Variants in CERKL observed in about 807,000 individuals in gnomAD.
The protein encoded by CERKL is ceramide kinase-like protein.
Under a neutral mutation model 63.4 loss-of-function variants are expected in CERKL, and 61 were observed. That is an observed-to-expected ratio of 0.96 (90% CI 0.78 to 1.19). The LOEUF (loss-of-function observed/expected upper bound fraction) is 1.19, where lower values mean the gene tolerates loss of function less well. Among genes scored for constraint, CERKL ranks in the 50% most tolerant of loss-of-function variants. The pLI is 0.00. For synonymous variants in CERKL, 250 were observed against 230.5 expected (o/e 1.08, Z -0.77); for missense variants, 675 against 655.5 (o/e 1.03, Z -0.33).
rs1273593366 is a variant in CERKL, at chr2:181,573,970, G to A, written c.482-86C>T. 3 of 1,243,974 alleles carry A rather than the reference G, an allele frequency of 2.4e-6. No individual in the cohort carries two copies. In the East Asian group the frequency reaches 7.0e-5, roughly 29 times the overall value. The allele number at this position is 1,243,974 out of a possible 1,614,324, so 77.1% of individuals were successfully genotyped here. A position where few individuals can be genotyped will look rare whatever the true frequency, so the allele number is the denominator to read the frequency against. On this transcript the variant is annotated intron_variant, in intron 2 of 12. Coordinates refer to ENST00000410087, the MANE Select transcript of CERKL (RefSeq NM_201548.5). ...TTTAAAATGACACACAAGTCTGTTA[G>A]AATGTTATATGCATTTAAATAGTAT... is the stretch of plus-strand genomic sequence containing the variant.
chr2:181,546,697 T>C (rs1687739780), intron 10 of CERKL, among the ~76,000 whole-genome samples: 1 of 152,222 alleles, frequency 6.6e-6, no homozygotes, highest in Non-Finnish European at 1.5e-5. Flanking sequence ...AGCCCCATAA[T>C]GGACAGCTGA....
At chr2:181,595,197 T>A (rs546284440) in intron 2 of CERKL, among the ~76,000 whole-genome samples, 1 of 147,946 alleles carries the variant, frequency 6.8e-6, no homozygotes, top group African/African-American at 2.7e-5. Context: ...CAAATCAGTG[T>A]GTTTATATGT....
chr2:181,655,428 G>A (rs1233516556), intron 1 of CERKL, among the ~76,000 whole-genome samples: 2 of 152,170 alleles, frequency 1.3e-5, no homozygotes, highest in Non-Finnish European at 2.9e-5. Context: ...CTTCTATATT[G>A]CATAACTCGA....
chr2:181,583,144 C>T (rs1384897147), intron 2 of CERKL, among the ~76,000 whole-genome samples: 1 of 149,292 alleles, frequency 6.7e-6, no homozygotes, highest in Non-Finnish European at 1.5e-5. Context: ...AAAATAAAAA[C>T]AAGGCCATTC....
At chr2:181,641,351 ATATACACATATT>A (rs1687431888) in intron 1 of CERKL, among the ~76,000 whole-genome samples, 4 of 13,320 alleles carry the variant, frequency 3.0e-4, no homozygotes, top group Non-Finnish European at 4.9e-4. Flanking sequence ...ATATACATAT[ATATACACATATT>A]TTTTTCCCTG....
At chr2:181,564,608 A>T (rs1350551525) in intron 4 of CERKL, among the ~76,000 whole-genome samples, 2 of 152,178 alleles carry the variant, frequency 1.3e-5, no homozygotes, top group African/African-American at 4.8e-5. Flanking sequence ...TTTACCCAGT[A>T]CAAATACCAG....
rs532518412 is a variant in CERKL at position 181,537,449 on chromosome 2, T to G, written c.*735A>C. ...TACTTTGTTACTTGTATCATGAATTTTAAAACCCTACCACTTTAAGAAGAC... is the reference window on the plus strand; with the variant it reads ...TACTTTGTTACTTGTATCATGAATTGTAAAACCCTACCACTTTAAGAAGAC... On this transcript the variant is annotated 3_prime_UTR_variant, in exon 13 of 13. Transcript: ENST00000410087. The G allele has an allele frequency of 1.8e-5, 8 of 448,454 alleles. No homozygotes were observed. Among genetic ancestry groups the G allele is most frequent in the African/African-American group, 1.6e-4 (8 of 49,906 alleles). The allele number at this position is 448,454 out of a possible 1,614,324, so 27.8% of individuals were successfully genotyped here. A position where few individuals can be genotyped will look rare whatever the true frequency, so the allele number is the denominator to read the frequency against.
At chr2:181,565,897 T>C (rs1208524369) in intron 4 of CERKL, among the ~76,000 whole-genome samples, 161 bp downstream of exon 4, 1 of 152,172 alleles carries the variant, frequency 6.6e-6, no homozygotes, top group Non-Finnish European at 1.5e-5. Flanking sequence ...GACCATGTCA[T>C]ATTATCATTA....
At chr2:181,577,436 A>T (rs1208318008) in intron 2 of CERKL, among the ~76,000 whole-genome samples, 1 of 152,246 alleles carries the variant, frequency 6.6e-6, no homozygotes, top group South Asian at 2.1e-4. Flanking sequence ...GATATTGACA[A>T]TATCTCCAGG....
intron 1 of CERKL, among the ~76,000 whole-genome samples, chr2:181,613,374 G>C (rs1686057303): frequency 6.6e-6 from 1 of 152,144 alleles, no homozygotes; most frequent in African/African-American, 2.4e-5. Flanking sequence ...CAGAAACTGG[G>C]GCTGCCTTCA....
chr2:181,627,744 C>T (rs752782161), intron 1 of CERKL, among the ~76,000 whole-genome samples: 3 of 152,272 alleles, frequency 2.0e-5, no homozygotes, highest in African/African-American at 4.8e-5. Flanking sequence ...AAGAGGAAAA[C>T]ATTCCCACAC....
At chr2:181,634,351 T>C (rs1204309964) in intron 1 of CERKL, among the ~76,000 whole-genome samples, 1 of 152,074 alleles carries the variant, frequency 6.6e-6, no homozygotes, top group African/African-American at 2.4e-5. Flanking sequence ...ATGGAATCAG[T>C]TGGTGTCTAA....
chr2:181,577,327 G>A (rs1255930530), intron 2 of CERKL, among the ~76,000 whole-genome samples: 1 of 152,202 alleles, frequency 6.6e-6, no homozygotes, highest in Non-Finnish European at 1.5e-5. Context: ...GTGCCAGCTA[G>A]AGGTATCTAA....
At position 181,538,114 on chromosome 2, in the gene CERKL, TTTAAAGCATGGCCAC is replaced by T. The variant is rs1687273843; in HGVS notation, c.*55_*69del. On this transcript the variant is annotated 3_prime_UTR_variant, in exon 13 of 13. Coordinates refer to ENST00000410087, the MANE Select transcript of CERKL (RefSeq NM_201548.5). ...TCCCAAAAAGGGTGGGGACCACAGG[TTTAAAGCATGGCCAC>T]ATTTCTTTATATTAAAATTCTAGTT... 2 of 1,097,606 alleles carry T rather than the reference TTTAAAGCATGGCCAC, an allele frequency of 1.8e-6. No homozygotes were observed. Among genetic ancestry groups the T allele is most frequent in the Non-Finnish European group, 2.8e-6 (2 of 717,584 alleles). 68.0% of individuals were successfully genotyped at this position (1,097,606 alleles called of 1,614,324 possible).
At position 181,538,160 on chromosome 2, in the gene CERKL, A is replaced by ATTTCT. The variant is rs753666698; in HGVS notation, c.*19_*23dup. On this transcript the variant is annotated 3_prime_UTR_variant, in exon 13 of 13. Coordinates refer to ENST00000410087, the MANE Select transcript of CERKL (RefSeq NM_201548.5). The stretch of plus-strand genomic sequence containing the variant: ...TTTATATTAAAATTCTAGTTTGTAC[A>ATTTCT]TTTCTTTTAGAAACAATTACATGTT... The ATTTCT allele has an allele frequency of 6.8e-7, 1 of 1,467,174 alleles. No homozygotes were observed. Among genetic ancestry groups the ATTTCT allele is most frequent in the Non-Finnish European group, 9.5e-7 (1 of 1,048,890 alleles). The allele number at this position is 1,467,174 out of a possible 1,614,324, so 90.9% of individuals were successfully genotyped here.
At chr2:181,547,491 A>G in intron 10 of CERKL, 127 bp downstream of exon 10, 2 of 737,932 alleles carry the variant, frequency 2.7e-6, no homozygotes, top group Non-Finnish European at 4.8e-6. Context: ...CAAATCCCTT[A>G]GAATCTCTAA....
At chr2:181,600,826 C>T (rs1016771478) in intron 2 of CERKL, among the ~76,000 whole-genome samples, 1 of 152,190 alleles carries the variant, frequency 6.6e-6, no homozygotes, top group Non-Finnish European at 1.5e-5. Context: ...AAGGTATACA[C>T]TGGACTTAAA....
In CERKL at chr2:181,572,589, T is replaced by C. The variant is rs182366960; in HGVS notation, c.613+1164A>G. On this transcript the variant is annotated intron_variant, in intron 3 of 12. Transcript: ENST00000410087. ...GGAAATCTTCAGTAGAAAGAAAACATAAATCTGAATTTTCTCTTTTACTTG... is the reference window on the plus strand; with the variant it reads ...GGAAATCTTCAGTAGAAAGAAAACACAAATCTGAATTTTCTCTTTTACTTG... Among the ~76,000 whole-genome samples the C allele has an allele frequency of 7.7e-4, 117 of 152,286 alleles. No individual in the cohort carries two copies. The Middle Eastern group carries it at 0.031, about 40-fold the overall frequency.
At chr2:181,589,533 T>TG (rs1274123222) in intron 2 of CERKL, among the ~76,000 whole-genome samples, 1 of 152,248 alleles carries the variant, frequency 6.6e-6, no homozygotes, top group African/African-American at 2.4e-5. Flanking sequence ...TCTTCATATT[T>TG]AAGTCTTTAA....
Sources: gnomAD v4.1 joint callset for allele counts (sites outside exome capture counted in the v4.1 genomes callset) on GRCh38, gnomAD v4.1.1 for gene constraint, MANE v1.5 for transcripts, NCBI Gene and HGNC (gene_info 2026-07-23, HGNC 2026-07-21) for gene names.